The following DMD variants were observed in gnomAD, a reference collection of about 807,000 sequenced individuals.
DMD encodes the protein dystrophin.
In DMD, 63 loss-of-function variants were observed where a neutral mutation model predicts 330.1. The ratio of observed to expected loss-of-function variants is 0.19; its 90% CI spans 0.16 to 0.24. The LOEUF is 0.24. Among genes scored for constraint, DMD ranks in the 10% least tolerant of loss-of-function variants. The pLI is 1.00. For synonymous variants in DMD, 1,223 were observed against 959.8 expected (o/e 1.27, Z -5.07); for missense variants, 3,344 against 2,684.1 (o/e 1.25, Z -5.43).
At chrX:32,651,374 C>A (rs763464826) in intron 9 of DMD, among the ~76,000 whole-genome samples, 19 of 111,283 alleles carry the variant, frequency 1.7e-4, no homozygotes, top group Non-Finnish European at 2.6e-4. Context: ...AACTCCTGAC[C>A]TCAGGTCATC....
intron 30 of DMD, among the ~76,000 whole-genome samples, chrX:32,409,829 G>C (rs1302789332): frequency 1.8e-5 from 2 of 111,029 alleles, no homozygotes; most frequent in African/African-American, 6.5e-5. Flanking sequence ...TTCATTTATA[G>C]TCATGTAGTT....
chrX:31,212,464 C>T (rs1343934865), intron 64 of DMD, among the ~76,000 whole-genome samples: 3 of 109,632 alleles, frequency 2.7e-5, no homozygotes, highest in Non-Finnish European at 3.8e-5. Flanking sequence ...TGGGGGGCGG[C>T]GAGCAGGCAG....
intron 1 of DMD, among the ~76,000 whole-genome samples, chrX:33,262,907 T>C (rs1303068312): frequency 9.1e-6 from 1 of 110,460 alleles, no homozygotes; most frequent in Non-Finnish European, 1.9e-5. Context: ...CATGAACAGA[T>C]GATTCAGAGC....
intron 44 of DMD, among the ~76,000 whole-genome samples, chrX:32,028,126 C>A (rs924313890): frequency 9.0e-6 from 1 of 111,708 alleles, no homozygotes; most frequent in African/African-American, 3.3e-5. Flanking sequence ...CAAATGAAAA[C>A]AAGTGGATAA....
intron 2 of DMD, among the ~76,000 whole-genome samples, chrX:33,007,907 C>T (rs2147502322): frequency 9.0e-6 from 1 of 111,586 alleles, no homozygotes; most frequent in Non-Finnish European, 1.9e-5. Flanking sequence ...TCTCCGTAGA[C>T]CTTGTAGATC....
At chrX:33,286,811 G>T (rs767813386) in intron 1 of DMD, among the ~76,000 whole-genome samples, 2 of 112,232 alleles carry the variant, frequency 1.8e-5, no homozygotes, top group Non-Finnish European at 3.8e-5. Context: ...TTGCATGCAG[G>T]TGTGGTTATT....
intron 1 of DMD, among the ~76,000 whole-genome samples, chrX:33,331,899 A>C (rs767647893): frequency 8.9e-6 from 1 of 111,979 alleles, no homozygotes; most frequent in Admixed American, 9.5e-5. Context: ...TTTATAATTT[A>C]AGTCATCTTT....
At chrX:33,254,707 AAG>A (rs1294252357) in intron 1 of DMD, among the ~76,000 whole-genome samples, 1 of 110,995 alleles carries the variant, frequency 9.0e-6, no homozygotes, top group African/African-American at 3.2e-5. Context: ...ATAAAATAAT[AAG>A]AGTTATTAAA....
In DMD at chrX:32,286,254, T is replaced by C. The variant is rs182657023; in HGVS notation, c.6290+1275A>G. On this transcript the variant is annotated intron_variant, in intron 43 of 78. Coordinates refer to ENST00000357033, the MANE Select transcript of DMD (RefSeq NM_004006.3). Reference sequence around the variant, plus strand: ...ACATCAGATCATATATTCTACACGGTAGCCACCAAGTCTGGAAAATTTACA... The same window carrying C: ...ACATCAGATCATATATTCTACACGGCAGCCACCAAGTCTGGAAAATTTACA... Among the ~76,000 whole-genome samples, 55 of 111,816 alleles carry C rather than the reference T, an allele frequency of 4.9e-4. 1 individual carries two copies. Among genetic ancestry groups the C allele is most frequent in the African/African-American group, 1.8e-3 (55 of 30,807 alleles).
intron 55 of DMD, among the ~76,000 whole-genome samples, chrX:31,538,654 G>T (rs906502231): frequency 8.9e-6 from 1 of 112,081 alleles, no homozygotes; most frequent in East Asian, 2.8e-4. Flanking sequence ...GTTTTTAAAA[G>T]ACATTGTTTC....
intron 2 of DMD, among the ~76,000 whole-genome samples, chrX:32,935,189 A>G (rs912431271): frequency 8.9e-6 from 1 of 112,846 alleles, no homozygotes; most frequent in Non-Finnish European, 1.9e-5. Flanking sequence ...CGTGTTAGCC[A>G]GGATGGTCTC....
chrX:32,012,788 A>G (rs991188616), intron 44 of DMD, among the ~76,000 whole-genome samples: 2 of 111,641 alleles, frequency 1.8e-5, no homozygotes, highest in East Asian at 5.7e-4. Flanking sequence ...AGGAGGCCCA[A>G]TAAATGATTA....
chrX:31,297,826 A>C (rs1249627372), intron 62 of DMD, among the ~76,000 whole-genome samples: 2 of 112,562 alleles, frequency 1.8e-5, no homozygotes, highest in Non-Finnish European at 3.8e-5. Context: ...GTGTGCATAC[A>C]TACAAGTTCT....
At chrX:31,578,973 CCCTGATTGGG>C (rs1478822980) in intron 55 of DMD, among the ~76,000 whole-genome samples, 1 of 111,941 alleles carries the variant, frequency 8.9e-6, no homozygotes, top group Non-Finnish European at 1.9e-5. Flanking sequence ...AAGGCACATG[CCCTGATTGGG>C]TTATAGGTAC....
At position 31,228,291 on chromosome X, in the gene DMD, A is replaced by G. The variant is rs915326024; in HGVS notation, c.9287-5170T>C. Among the ~76,000 whole-genome samples the G allele has an allele frequency of 6.3e-5, 6 of 95,106 alleles. No homozygotes were observed. The East Asian group carries it at 2.0e-3, about 31-fold the overall frequency. The allele number at this position is 95,106 out of a possible 115,157, so 82.6% of individuals were successfully genotyped here. On this transcript the variant is annotated intron_variant, in intron 63 of 78. Transcript: ENST00000357033. ...ATAAAAAAATAAAAAAAAAAAAAAA[A>G]GAAAGTAGCAGGGCAAACGTTTAGC...
chrX:31,427,431 A>C (rs1478905170), intron 60 of DMD, among the ~76,000 whole-genome samples: 1 of 111,802 alleles, frequency 8.9e-6, no homozygotes, highest in Non-Finnish European at 1.9e-5. Flanking sequence ...TTCATGTATT[A>C]ATCATCTTTG....
intron 64 of DMD, among the ~76,000 whole-genome samples, chrX:31,210,052 GT>G (rs2044494166): frequency 9.0e-6 from 1 of 111,464 alleles, no homozygotes; most frequent in African/African-American, 3.3e-5. Context: ...AAAAAAAAAT[GT>G]TTTAGCAGAA....
At position 32,565,858 on chromosome X, in the gene DMD, C is replaced by G; in HGVS notation, c.1836G>C (p.Lys612Asn). 4.1e-6 allele frequency: 5 copies of G among 1,211,084 alleles called. No individual in the cohort carries two copies. Among genetic ancestry groups the G allele is most frequent in the Non-Finnish European group, 4.5e-6 (4 of 895,092 alleles). The change falls in exon 16 of 79, where the codon AAG becomes AAC. Residue 612 changes from lysine (K) to asparagine (N), a missense_variant. Coordinates refer to ENST00000357033, the MANE Select transcript of DMD (RefSeq NM_004006.3). The part of the protein sequence containing the change: ...KLAVLKADLE[K>N]KKQSMGKLYS... Reference sequence around the variant, plus strand: ...ACAGTTTGCCCATGGATTGCTTTTTCTTTTCTAGATCCGCTTTTAAAACCT... The same window carrying G: ...ACAGTTTGCCCATGGATTGCTTTTTGTTTTCTAGATCCGCTTTTAAAACCT...
intron 1 of DMD, among the ~76,000 whole-genome samples, chrX:33,295,043 G>C (rs2053564661): frequency 9.0e-6 from 1 of 111,325 alleles, no homozygotes; most frequent in African/African-American, 3.3e-5. Flanking sequence ...TGAAATTAAA[G>C]ATTTACTATG....
Sources: gnomAD v4.1 joint callset for allele counts (sites outside exome capture counted in the v4.1 genomes callset) on GRCh38, gnomAD v4.1.1 for gene constraint, MANE v1.5 for transcripts, NCBI Gene and HGNC (gene_info 2026-07-23, HGNC 2026-07-21) for gene names.